The following KDM4C variants were observed in gnomAD, a reference collection of about 807,000 sequenced individuals.
The protein encoded by KDM4C is lysine demethylase 4C.
In KDM4C, 81 loss-of-function variants were observed where a neutral mutation model predicts 129.3. That is an observed-to-expected ratio of 0.63 (90% CI 0.52 to 0.75). KDM4C has a LOEUF of 0.75. Ranked by LOEUF, KDM4C falls within the 30% of genes least tolerant of loss-of-function variation. The probability of loss-of-function intolerance (pLI) is 0.00; values close to 1 mark genes in which losing one functional copy is unlikely to be tolerated. For missense variants in KDM4C, 1,457 were observed against 1,304.0 expected (o/e 1.12, Z -1.81); for synonymous variants, 573 against 456.1 (o/e 1.26, Z -3.26).
intron 20 of KDM4C, among the ~76,000 whole-genome samples, chr9:7,167,996 A>T (rs1844574592): frequency 6.6e-6 from 1 of 152,140 alleles, no homozygotes. Flanking sequence ...AGCCTCGCCA[A>T]CGTGGTGCAA....
intron 12 of KDM4C, among the ~76,000 whole-genome samples, chr9:6,996,386 C>G (rs888366927): frequency 6.6e-6 from 1 of 152,182 alleles, no homozygotes; most frequent in Non-Finnish European, 1.5e-5. Context: ...TTCTTTGAAG[C>G]TTTCATCCTG....
intron 1 of KDM4C, among the ~76,000 whole-genome samples, chr9:6,788,073 TC>T (rs1825838160): frequency 6.6e-6 from 1 of 152,182 alleles, no homozygotes; most frequent in Non-Finnish European, 1.5e-5. Flanking sequence ...ATGTTCTTCT[TC>T]CAGATATCTG....
At chr9:7,056,464 C>T (rs528683020) in intron 17 of KDM4C, among the ~76,000 whole-genome samples, 2 of 152,022 alleles carry the variant, frequency 1.3e-5, no homozygotes, top group South Asian at 2.1e-4. Flanking sequence ...TAATACCAAA[C>T]CATAAAATCT....
At chr9:7,099,251 A>C (rs557700624) in intron 17 of KDM4C, among the ~76,000 whole-genome samples, 1 of 152,362 alleles carries the variant, frequency 6.6e-6, no homozygotes. Flanking sequence ...CAGAAATCAT[A>C]TTAACAGGAA....
chr9:6,774,384 G>A (rs894910446), intron 1 of KDM4C, among the ~76,000 whole-genome samples: 5 of 152,096 alleles, frequency 3.3e-5, no homozygotes, highest in African/African-American at 1.2e-4. Flanking sequence ...ACAGTTTTAC[G>A]CTGGGCGTGG....
At chr9:6,944,562 G>C (rs1473974119) in intron 8 of KDM4C, among the ~76,000 whole-genome samples, 1 of 150,850 alleles carries the variant, frequency 6.6e-6, no homozygotes, top group Non-Finnish European at 1.5e-5. Context: ...TAAATATATA[G>C]GTTACTTAGG....
chr9:7,012,570 A>G (rs931468541), intron 13 of KDM4C, among the ~76,000 whole-genome samples: 14 of 152,196 alleles, frequency 9.2e-5, no homozygotes, highest in African/African-American at 2.7e-4. Flanking sequence ...CATGTGGAAC[A>G]TGCAAAAGAC....
At chr9:7,095,631 C>A (rs1836333080) in intron 17 of KDM4C, among the ~76,000 whole-genome samples, 2 of 151,868 alleles carry the variant, frequency 1.3e-5, no homozygotes, top group Admixed American at 1.3e-4. Flanking sequence ...TGAATTCAAT[C>A]ATTAAAATAT....
In KDM4C at chr9:7,072,894, A is replaced by G; in HGVS notation, c.2424+23694A>G. Among the ~76,000 whole-genome samples the G allele has an allele frequency of 1.3e-5, 2 of 152,330 alleles. 1 individual carries two copies. The highest frequency in any genetic ancestry group is 3.9e-4 in the East Asian group (2 of 5,190). On this transcript the variant is annotated intron_variant, in intron 17 of 21. Coordinates refer to ENST00000381309, the MANE Select transcript of KDM4C (RefSeq NM_015061.6). ...TTTTGATACATGTATACATTGTGTA[A>G]TCATCAAAACCACATTTTTAATGTT...
intron 1 of KDM4C, among the ~76,000 whole-genome samples, chr9:6,779,295 C>G (rs764063640): frequency 2.0e-5 from 3 of 149,176 alleles, no homozygotes; most frequent in Admixed American, 1.3e-4. Flanking sequence ...GGATTACAGG[C>G]GTGAGCCACC....
intron 18 of KDM4C, among the ~76,000 whole-genome samples, chr9:7,121,820 A>AT (rs1839520256): frequency 6.6e-6 from 1 of 151,468 alleles, no homozygotes; most frequent in African/African-American, 2.4e-5. Flanking sequence ...AAAAAAAAAA[A>AT]GGAAATGTAA....
chr9:7,052,292 ACAAC>A (rs1428222661), intron 17 of KDM4C, among the ~76,000 whole-genome samples: 15 of 152,254 alleles, frequency 9.9e-5, no homozygotes, highest in Non-Finnish European at 1.6e-4. Context: ...TGGAAATTGA[ACAAC>A]CAAATTGAAT....
At chr9:6,880,778 A>G (rs989436537) in intron 6 of KDM4C, among the ~76,000 whole-genome samples, 1 of 152,064 alleles carries the variant, frequency 6.6e-6, no homozygotes, top group African/African-American at 2.4e-5. Flanking sequence ...GCAAGCAGCC[A>G]CCTTCCTCCT....
intron 14 of KDM4C, chr9:7,014,300 T>C (rs1187516227): frequency 1.1e-5 from 3 of 263,660 alleles, no homozygotes; most frequent in Middle Eastern, 1.1e-3. Context: ...TTTTACTTAC[T>C]TTAAGATCTA....
intron 19 of KDM4C, among the ~76,000 whole-genome samples, chr9:7,139,619 A>G (rs1284233427): frequency 6.6e-6 from 1 of 152,236 alleles, no homozygotes; most frequent in East Asian, 1.9e-4. Flanking sequence ...AAGTGGCCAC[A>G]CTAGACCCTG....
At chr9:6,980,365 T>G (rs538176044) in intron 8 of KDM4C, among the ~76,000 whole-genome samples, 1 of 152,302 alleles carries the variant, frequency 6.6e-6, no homozygotes, top group South Asian at 2.1e-4. Context: ...TTGTTGTTGT[T>G]GTTGATGGTA....
At chr9:6,751,622 C>T (rs1818066081) in intron 1 of KDM4C, among the ~76,000 whole-genome samples, 1 of 152,140 alleles carries the variant, frequency 6.6e-6, no homozygotes, top group African/African-American at 2.4e-5. Flanking sequence ...ACTATATTAA[C>T]ATTAGTTCAA....
intron 1 of KDM4C, among the ~76,000 whole-genome samples, chr9:6,767,680 TG>T (rs1820918729): frequency 6.6e-6 from 1 of 152,086 alleles, no homozygotes; most frequent in Admixed American, 6.6e-5. Flanking sequence ...AGGCTGGTCT[TG>T]AAGTCCTGAC....
At chr9:6,899,128 G>A (rs1217468900) in intron 8 of KDM4C, among the ~76,000 whole-genome samples, 1 of 151,614 alleles carries the variant, frequency 6.6e-6, no homozygotes, top group Non-Finnish European at 1.5e-5. Flanking sequence ...GTGTAACAGA[G>A]CTGATGAGTA....
Sources: allele counts gnomAD v4.1 joint callset (sites outside exome capture counted in the v4.1 genomes callset), GRCh38; gene constraint gnomAD v4.1.1; transcripts MANE v1.5; gene names NCBI Gene and HGNC (gene_info 2026-07-23, HGNC 2026-07-21).